TUBGCP3: variants seen among roughly 807,000 people sequenced by gnomAD.
TUBGCP3 encodes the protein tubulin gamma complex component 3.
In TUBGCP3, 50 loss-of-function variants were observed where a neutral mutation model predicts 123.1. The ratio of observed to expected loss-of-function variants is 0.41; its 90% CI spans 0.32 to 0.51. TUBGCP3 has a LOEUF of 0.51. TUBGCP3 is among the 20% of genes least tolerant of loss of function. The pLI is 0.36. For missense variants in TUBGCP3, 882 were observed against 1,127.0 expected, an observed-to-expected ratio of 0.78 and a Z score of 3.11; for synonymous variants, 405 against 413.9, an observed-to-expected ratio of 0.98 and a Z score of 0.26.
intron 2 of TUBGCP3, among the ~76,000 whole-genome samples, chr13:112,566,861 G>T (rs928282684): frequency 6.6e-6 from 1 of 152,194 alleles, no homozygotes; most frequent in African/African-American, 2.4e-5. Flanking sequence ...TGTGGAAAAT[G>T]TTTTGTCACA....
chr13:112,568,531 G>A (rs1413797508), intron 2 of TUBGCP3, among the ~76,000 whole-genome samples: 2 of 152,014 alleles, frequency 1.3e-5, no homozygotes, highest in African/African-American at 2.4e-5. Context: ...TGGACTTCTA[G>A]AAGGTGTTAC....
rs9550146 is a variant in TUBGCP3 at position 112,555,978 on chromosome 13, T to C, written c.721+74A>G. Reference sequence around the variant, plus strand: ...AAGGTTTGAGGTGGGGCTCCTGGGCTGTACTTTAAAATAAGGAGAGGCTGA... The same window carrying C: ...AAGGTTTGAGGTGGGGCTCCTGGGCCGTACTTTAAAATAAGGAGAGGCTGA... On this transcript the variant is annotated intron_variant, in intron 6 of 21. Coordinates refer to ENST00000261965, the MANE Select transcript of TUBGCP3 (RefSeq NM_006322.6). 0.19 allele frequency: 287,128 copies of C among 1,509,838 alleles called. 29,197 individuals are homozygous for C. Among genetic ancestry groups the C allele is most frequent in the East Asian group, 0.27 (11,682 of 43,788 alleles). 93.5% of individuals were successfully genotyped at this position (1,509,838 alleles called of 1,614,324 possible). A position where few individuals can be genotyped will look rare whatever the true frequency, so the allele number is the denominator to read the frequency against.
intron 17 of TUBGCP3, among the ~76,000 whole-genome samples, chr13:112,509,403 C>T (rs1489477524): frequency 6.6e-6 from 1 of 152,162 alleles, no homozygotes; most frequent in African/African-American, 2.4e-5. Flanking sequence ...TGAAAGAATG[C>T]GTGATGTTGA....
At chr13:112,583,906 T>G (rs1882435151) in intron 1 of TUBGCP3, 1 of 152,372 alleles carries the variant, frequency 6.6e-6, no homozygotes, top group African/African-American at 2.4e-5. Flanking sequence ...TATCACGCAT[T>G]TTAATGTTTC....
chr13:112,569,105 T>C (rs777556103), intron 2 of TUBGCP3, 47 bp downstream of exon 2: 1 of 1,563,652 alleles, frequency 6.4e-7, no homozygotes, highest in South Asian at 1.1e-5. Context: ...GCTTAAGCTC[T>C]GACGAGTTTA....
chr13:112,555,572 C>G (rs1293483693), intron 6 of TUBGCP3, among the ~76,000 whole-genome samples: 1 of 152,226 alleles, frequency 6.6e-6, no homozygotes, highest in Admixed American at 6.5e-5. Flanking sequence ...AGGTATTCAT[C>G]TCACCATTCA....
chr13:112,604,870 G>T, the TUBGCP3 span: 4 of 152,032 alleles, frequency 2.6e-5, no homozygotes, highest in African/African-American at 4.8e-5. Context: ...CTAACCCTTG[G>T]CTATTGAGGG....
chr13:112,594,936 T>C, the TUBGCP3 span, among the ~76,000 whole-genome samples: 2 of 152,210 alleles, frequency 1.3e-5, no homozygotes, highest in African/African-American at 4.8e-5. Context: ...TTTAATTCTT[T>C]TAAATATGTT....
Position 112,486,008 on chromosome 13 carries a change from G to C in TUBGCP3, c.2709C>G (p.Arg903=), listed in dbSNP as rs1320564206. The change falls in exon 22 of 22, where the codon CGC becomes CGG. Residue 903 remains arginine, a synonymous_variant. Transcript: ENST00000261965. ...LRVSLGTRGR[R]SSHT is the part of the protein sequence containing the mutation. ...ACCGCGAGCTTCACGTGTGGGAGCT[G>C]CGCCGCCCCCTGGTACCCAGAGACA... 3 of 1,603,130 alleles carry C rather than the reference G, an allele frequency of 1.9e-6. No homozygotes were observed. The highest frequency in any genetic ancestry group is 2.6e-6 in the Non-Finnish European group (3 of 1,171,390).
At chr13:112,562,291 C>T (rs1036403882) in intron 3 of TUBGCP3, among the ~76,000 whole-genome samples, 2 of 152,076 alleles carry the variant, frequency 1.3e-5, no homozygotes, top group Non-Finnish European at 1.5e-5. Flanking sequence ...CAGCCAGGAC[C>T]TACTAGGGAA....
At chr13:112,525,620 G>A (rs1876988748) in intron 13 of TUBGCP3, among the ~76,000 whole-genome samples, 1 of 152,182 alleles carries the variant, frequency 6.6e-6, no homozygotes, top group African/African-American at 2.4e-5. Context: ...AAAACATCAT[G>A]AAATTACTGA....
chr13:112,546,022 C>T, intron 10 of TUBGCP3, 157 bp from the exon 11 acceptor site: 1 of 718,788 alleles, frequency 1.4e-6, no homozygotes, highest in Non-Finnish European at 2.2e-6. Flanking sequence ...GCAGCAGTAA[C>T]ATGTCATGAT....
At chr13:112,500,576 T>C (rs1404719666) in intron 19 of TUBGCP3, among the ~76,000 whole-genome samples, 3 of 152,170 alleles carry the variant, frequency 2.0e-5, no homozygotes, top group Non-Finnish European at 2.9e-5. Context: ...ATTTCTCAAA[T>C]GTAGCAATAA....
chr13:112,514,720 G>A (rs1875934912), intron 17 of TUBGCP3, among the ~76,000 whole-genome samples: 1 of 152,150 alleles, frequency 6.6e-6, no homozygotes. Context: ...TATCAATAGA[G>A]TTAAAATATG....
intron 17 of TUBGCP3, among the ~76,000 whole-genome samples, chr13:112,509,404 G>T (rs1015461112): frequency 6.6e-6 from 1 of 152,226 alleles, no homozygotes; most frequent in Non-Finnish European, 1.5e-5. Flanking sequence ...GAAAGAATGC[G>T]TGATGTTGAC....
chr13:112,581,602 C>T (rs909667558), intron 1 of TUBGCP3, among the ~76,000 whole-genome samples: 3 of 152,038 alleles, frequency 2.0e-5, no homozygotes, highest in Non-Finnish European at 2.9e-5. Context: ...TGTGTCACCA[C>T]ATCCAGCTAA....
chr13:112,514,921 T>C (rs185028912), intron 17 of TUBGCP3, among the ~76,000 whole-genome samples: 17 of 152,314 alleles, frequency 1.1e-4, no homozygotes, highest in East Asian at 3.9e-4. Flanking sequence ...GATGAAATCA[T>C]ATGTACATGA....
intron 17 of TUBGCP3, among the ~76,000 whole-genome samples, chr13:112,513,037 G>A (rs1881775948): frequency 6.6e-6 from 1 of 152,018 alleles, no homozygotes; most frequent in Admixed American, 6.5e-5. Flanking sequence ...TTCTAATAAA[G>A]ACCAAAAGCA....
Position 112,547,692 on chromosome 13 carries a change from G to A in TUBGCP3, c.1096C>T (p.Arg366Cys), listed in dbSNP as rs1338683084. Residue 366 changes from arginine (R) to cysteine (C), a missense_variant, in exon 10 of 22, where the codon CGC (arginine) becomes TGC (cysteine). By Grantham distance (180) the Arg-to-Cys change is radical. Coordinates refer to ENST00000261965, the MANE Select transcript of TUBGCP3 (RefSeq NM_006322.6). ...GGATCATAGGTCCAAACCAGGAGGC[G>A]CCGAAGTGTTAAACTACTCTCAAGT... is the stretch of plus-strand genomic sequence containing the variant. ...LGLESSLTLR[R>C]LLVWTYDPKI... The A allele has an allele frequency of 1.9e-6, 3 of 1,578,792 alleles. No individual in the cohort carries two copies. The highest frequency in any genetic ancestry group is 1.4e-5 in the African/African-American group (1 of 73,826).
Sources: gnomAD v4.1 joint callset for allele counts (sites outside exome capture counted in the v4.1 genomes callset) on GRCh38, gnomAD v4.1.1 for gene constraint, MANE v1.5 for transcripts, NCBI Gene and HGNC (gene_info 2026-07-23, HGNC 2026-07-21) for gene names.